FUT9: variants seen among roughly 807,000 people sequenced by gnomAD.
FUT9 encodes fucosyltransferase 9.
A neutral mutation model predicts 29.7 loss-of-function variants in FUT9; 15 were observed. The observed-to-expected ratio is 0.51, with a 90% CI of 0.34 to 0.78. The LOEUF is 0.78. FUT9 is among the 30% of genes least tolerant of loss of function. FUT9 has a pLI of 0.01. For synonymous variants in FUT9, 169 were observed against 153.7 expected (o/e 1.10, Z -0.74); for missense variants, 319 against 425.4 (o/e 0.75, Z 2.20).
chr6:96,113,631 G>A lies in FUT9; in HGVS notation c.-97-408G>A, dbSNP rs986566830. ...AGCACTTTGGGAGGCCGAGGCGGGC[G>A]GATCACGTCAGGAGATCAAGACCAT... On this transcript the variant is annotated intron_variant, in intron 1 of 2. Coordinates refer to ENST00000302103, the MANE Select transcript of FUT9 (RefSeq NM_006581.4). Among the ~76,000 whole-genome samples the A allele has an allele frequency of 4.0e-5, 6 of 151,568 alleles. 1 individual carries two copies. The highest frequency in any genetic ancestry group is 1.5e-5 in the Non-Finnish European group (1 of 67,810).
At chr6:96,162,199 T>A (rs1213199313) in intron 2 of FUT9, among the ~76,000 whole-genome samples, 3 of 152,234 alleles carry the variant, frequency 2.0e-5, no homozygotes, top group Admixed American at 1.3e-4. Context: ...GTGCTTTTTC[T>A]CTTCAAAACA....
rs548526184 is a variant in FUT9 at position 96,110,279 on chromosome 6, C to A, written c.-97-3760C>A. Among the ~76,000 whole-genome samples the A allele has an allele frequency of 2.0e-5, 3 of 152,248 alleles. No homozygotes were observed. In the South Asian group the frequency reaches 6.2e-4, roughly 32 times the overall value. On this transcript the variant is annotated intron_variant, in intron 1 of 2. Coordinates refer to ENST00000302103, the MANE Select transcript of FUT9 (RefSeq NM_006581.4). The stretch of plus-strand genomic sequence containing the variant: ...TCTGACATCTGGTTAAAGCTGCGAG[C>A]CTCATAAACGTTTTTGGCTGAGCCA...
At chr6:96,145,261 T>C (rs557054094) in intron 2 of FUT9, among the ~76,000 whole-genome samples, 1 of 152,226 alleles carries the variant, frequency 6.6e-6, no homozygotes, top group African/African-American at 2.4e-5. Context: ...GGTTTCACCG[T>C]GTTAGCTAGG....
intron 2 of FUT9, among the ~76,000 whole-genome samples, chr6:96,180,959 A>G (rs1390841428): frequency 6.6e-6 from 1 of 151,970 alleles, no homozygotes; most frequent in Non-Finnish European, 1.5e-5. Flanking sequence ...AAGCAGGAGA[A>G]AAGAGATCTT....
At chr6:96,134,696 G>A (rs1008881789) in intron 2 of FUT9, among the ~76,000 whole-genome samples, 5 of 151,770 alleles carry the variant, frequency 3.3e-5, no homozygotes, top group African/African-American at 1.2e-4. Flanking sequence ...TTACCAAATA[G>A]TGCAACTGAA....
intron 1 of FUT9, among the ~76,000 whole-genome samples, chr6:96,074,933 T>C (rs988015221): frequency 3.9e-5 from 6 of 152,008 alleles, no homozygotes; most frequent in Non-Finnish European, 7.4e-5. Context: ...CACGCCACCA[T>C]GGCCAGCGAA....
intron 2 of FUT9, among the ~76,000 whole-genome samples, chr6:96,115,792 C>A (rs368882525): frequency 2.6e-5 from 4 of 152,206 alleles, no homozygotes; most frequent in African/African-American, 9.6e-5. Flanking sequence ...TTTTACAGAA[C>A]CCCATGTTTA....
intron 2 of FUT9, among the ~76,000 whole-genome samples, chr6:96,162,585 G>A (rs1772933050): frequency 6.6e-6 from 1 of 152,116 alleles, no homozygotes; most frequent in Non-Finnish European, 1.5e-5. Context: ...TGTATCAGTT[G>A]AAATGAACTG....
chr6:96,101,422 G>T (rs893663627), intron 1 of FUT9, among the ~76,000 whole-genome samples: 12 of 151,746 alleles, frequency 7.9e-5, no homozygotes, highest in Non-Finnish European at 1.8e-4. Context: ...GCTGGGGGGT[G>T]CCTGTAATCC....
chr6:96,182,464 G>T (rs1055451937), intron 2 of FUT9, among the ~76,000 whole-genome samples: 2 of 151,842 alleles, frequency 1.3e-5, no homozygotes, highest in Non-Finnish European at 2.9e-5. Flanking sequence ...TATTGCATTT[G>T]CTTTTGGGTT....
At chr6:96,032,403 T>C (rs1283954765) in intron 1 of FUT9, among the ~76,000 whole-genome samples, 3 of 151,604 alleles carry the variant, frequency 2.0e-5, no homozygotes, top group Non-Finnish European at 4.4e-5. Context: ...AGTAATTTTT[T>C]TCGCATAATA....
intron 2 of FUT9, among the ~76,000 whole-genome samples, chr6:96,152,355 A>T (rs1348672039): frequency 6.6e-6 from 1 of 152,052 alleles, no homozygotes; most frequent in African/African-American, 2.4e-5. Flanking sequence ...TCTGGCACCC[A>T]CCCTGTCTTC....
At chr6:96,020,268 A>G (rs770807536) in intron 1 of FUT9, among the ~76,000 whole-genome samples, 1 of 152,180 alleles carries the variant, frequency 6.6e-6, no homozygotes, top group Non-Finnish European at 1.5e-5. Flanking sequence ...ACACTTCCAT[A>G]TAAGCTTTTA....
At chr6:96,152,586 T>A (rs1026137957) in intron 2 of FUT9, among the ~76,000 whole-genome samples, 1 of 152,202 alleles carries the variant, frequency 6.6e-6, no homozygotes, top group African/African-American at 2.4e-5. Flanking sequence ...TATAATTTTA[T>A]AAAATGTCCT....
intron 1 of FUT9, among the ~76,000 whole-genome samples, chr6:96,094,893 T>A (rs893227325): frequency 1.3e-5 from 2 of 152,110 alleles, no homozygotes; most frequent in African/African-American, 4.8e-5. Flanking sequence ...GGTGTTTGGT[T>A]ACATGAATAA....
At chr6:96,129,080 A>ACC (rs1328955142) in intron 2 of FUT9, among the ~76,000 whole-genome samples, 2 of 144,292 alleles carry the variant, frequency 1.4e-5, no homozygotes, top group Non-Finnish European at 3.0e-5. Context: ...ACACGGTGAA[A>ACC]CCCTGTCTCT....
rs559320952 is a variant in FUT9, at chr6:96,210,342, T to C, written c.*6107T>C. ...GTGACTTGGGGCAGGTTATTTATAG[T>C]CTCCAGACACTTTTTCCAGTTGCGA... On this transcript the variant is annotated 3_prime_UTR_variant, in exon 3 of 3. Transcript: ENST00000302103. 1 of 167,066 alleles carries C rather than the reference T, an allele frequency of 6.0e-6. No individual in the cohort carries two copies. Among genetic ancestry groups the C allele is most frequent in the Non-Finnish European group, 1.5e-5 (1 of 68,044 alleles). The allele number at this position is 167,066 out of a possible 1,614,324, so 10.3% of individuals were successfully genotyped here.
intron 1 of FUT9, among the ~76,000 whole-genome samples, chr6:96,043,558 G>A (rs1770507047): frequency 6.6e-6 from 1 of 152,118 alleles, no homozygotes; most frequent in Non-Finnish European, 1.5e-5. Flanking sequence ...TCTGAGAACT[G>A]TTGATTTATA....
Position 96,075,528 on chromosome 6 carries a change from C to A in FUT9, c.-97-38511C>A, listed in dbSNP as rs558960953. Among the ~76,000 whole-genome samples the A allele has an allele frequency of 6.4e-4, 98 of 152,254 alleles. 3 individuals are homozygous for A. The highest frequency in any genetic ancestry group is 5.6e-3 in the Admixed American group (85 of 15,280). The stretch of plus-strand genomic sequence containing the variant: ...TGCAAAAGCAGGTTTGACATATATA[C>A]AAACTCAAGTTACTTATGTATAACT... On this transcript the variant is annotated intron_variant, in intron 1 of 2. Coordinates refer to ENST00000302103, the MANE Select transcript of FUT9 (RefSeq NM_006581.4).
Sources: gnomAD v4.1 joint callset for allele counts (sites outside exome capture counted in the v4.1 genomes callset) on GRCh38, gnomAD v4.1.1 for gene constraint, MANE v1.5 for transcripts, NCBI Gene and HGNC (gene_info 2026-07-23, HGNC 2026-07-21) for gene names.